The following VEPH1 variants were observed in gnomAD, a reference collection of about 807,000 sequenced individuals.
VEPH1 encodes ventricular zone expressed PH domain containing 1.
Under a neutral mutation model 85.2 loss-of-function variants are expected in VEPH1, and 80 were observed. The observed-to-expected ratio is 0.94, with a 90% CI of 0.78 to 1.13. The LOEUF (loss-of-function observed/expected upper bound fraction) is 1.13. Ranked by LOEUF, VEPH1 falls within the 50% of genes most tolerant of loss-of-function variation. VEPH1 has a pLI of 0.00. For missense variants in VEPH1, 955 were observed against 980.5 expected (o/e 0.97, Z 0.35); for synonymous variants, 297 against 348.0 (o/e 0.85, Z 1.63).
chr3:157,444,080 C>T (rs1433269568), intron 4 of VEPH1, among the ~76,000 whole-genome samples: 2 of 152,120 alleles, frequency 1.3e-5, no homozygotes, highest in East Asian at 1.9e-4. Flanking sequence ...GAGGTCAAGC[C>T]CCTTCACACT....
chr3:157,385,473 T>C, intron 6 of VEPH1, among the ~76,000 whole-genome samples: 1 of 152,160 alleles, frequency 6.6e-6, no homozygotes, highest in East Asian at 1.9e-4. Flanking sequence ...TCTATTGGTA[T>C]TGGCCATATT....
At position 157,439,774 on chromosome 3, in the gene VEPH1, G is replaced by T. The variant is rs574219816; in HGVS notation, c.530-11286C>A. The stretch of plus-strand genomic sequence containing the variant: ...ACTTTTTTGTTTTTTTCTTTGAGAC[G>T]GAATCTCGCTCTGTCGCCCAGGCTG... On this transcript the variant is annotated intron_variant, in intron 4 of 13. Transcript: ENST00000362010. Among the ~76,000 whole-genome samples, 7 of 152,148 alleles carry T rather than the reference G, an allele frequency of 4.6e-5. No homozygotes were observed. The South Asian group carries it at 1.0e-3, about 23-fold the overall frequency.
At chr3:157,488,218 CT>C (rs1289483970) in intron 2 of VEPH1, among the ~76,000 whole-genome samples, 2 of 152,112 alleles carry the variant, frequency 1.3e-5, no homozygotes. Flanking sequence ...TTTCTCTGAT[CT>C]TTATGGGAAA....
At chr3:157,467,110 AGT>A (rs1356618639) in intron 3 of VEPH1, among the ~76,000 whole-genome samples, 2 of 114,016 alleles carry the variant, frequency 1.8e-5, no homozygotes, top group East Asian at 4.7e-4. Flanking sequence ...CAAAAAGAAA[AGT>A]GTGTGTGTGT....
In VEPH1 at chr3:157,364,305, G is replaced by A; in HGVS notation, c.1335C>T (p.Asn445=). The change falls in exon 8 of 14, where the codon AAC becomes AAT. Residue 445 remains asparagine, a splice_region_variant and synonymous_variant. Transcript: ENST00000362010. ...SKEERKNIRF[N]RSKSLAFHTM... The stretch of plus-strand genomic sequence containing the variant: ...AAAACAAACCAAACGAGTTATACCT[G>A]TTAAATCTAATGTTTTTTCTTTCTT... 6.2e-7 allele frequency: 1 copy of A among 1,605,600 alleles called. No homozygotes were observed. The highest frequency in any genetic ancestry group is 8.5e-7 in the Non-Finnish European group (1 of 1,174,848).
chr3:157,370,528 C>A (rs1489203867), intron 7 of VEPH1, among the ~76,000 whole-genome samples: 2 of 152,232 alleles, frequency 1.3e-5, no homozygotes, highest in African/African-American at 4.8e-5. Flanking sequence ...AGAGAAGATC[C>A]CCCAACTTCA....
intron 12 of VEPH1, among the ~76,000 whole-genome samples, chr3:157,268,693 C>A (rs1714090251): frequency 6.6e-6 from 1 of 152,092 alleles, no homozygotes; most frequent in Non-Finnish European, 1.5e-5. Flanking sequence ...AAGCACAAGG[C>A]ACTGCTTCTC....
intron 2 of VEPH1, among the ~76,000 whole-genome samples, chr3:157,480,172 A>G (rs1437060875): frequency 1.3e-5 from 2 of 150,552 alleles, no homozygotes; most frequent in Non-Finnish European, 2.9e-5. Context: ...GTGTCTGAAT[A>G]TATTATATTC....
intron 12 of VEPH1, among the ~76,000 whole-genome samples, chr3:157,267,269 G>A (rs1713826254): frequency 1.3e-5 from 2 of 150,782 alleles, no homozygotes; most frequent in African/African-American, 2.4e-5. Flanking sequence ...CTAAATTTTT[G>A]TATTTTTAGT....
intron 11 of VEPH1, among the ~76,000 whole-genome samples, chr3:157,295,901 G>A (rs1223804363): frequency 6.6e-6 from 1 of 152,144 alleles, no homozygotes; most frequent in Non-Finnish European, 1.5e-5. Context: ...GTTGCAGTGA[G>A]CCAAGATTAG....
At chr3:157,381,503 A>C in intron 6 of VEPH1, 127 bp from the exon 7 acceptor site, 5 of 890,306 alleles carry the variant, frequency 5.6e-6, no homozygotes, top group Non-Finnish European at 8.6e-6. Context: ...CTCCTGATCG[A>C]GAACAGGAGT....
intron 4 of VEPH1, among the ~76,000 whole-genome samples, chr3:157,440,654 A>G (rs1421225975): frequency 7.9e-5 from 12 of 152,042 alleles, no homozygotes; most frequent in African/African-American, 2.9e-4. Flanking sequence ...ATCCATATGT[A>G]TATATGTGTG....
intron 7 of VEPH1, among the ~76,000 whole-genome samples, chr3:157,366,381 TA>T (rs762272221): frequency 6.3e-4 from 96 of 151,862 alleles, no homozygotes; most frequent in Non-Finnish European, 1.1e-3. Context: ...GAACCTGGCA[TA>T]ATACCTGAAT....
chr3:157,340,682 C>A lies in VEPH1; in HGVS notation c.1735+22682G>T, dbSNP rs1038028023. ...GACAGCTTTGAAGAGAGTAGTGGTTCTCCCAGCACGGAGTTTGAGATCTGA... is the reference window on the plus strand; with the variant it reads ...GACAGCTTTGAAGAGAGTAGTGGTTATCCCAGCACGGAGTTTGAGATCTGA... On this transcript the variant is annotated intron_variant, in intron 9 of 13. Coordinates refer to ENST00000362010, the MANE Select transcript of VEPH1 (RefSeq NM_001167912.2). 2.6e-5 allele frequency among the ~76,000 whole-genome samples: 4 copies of A among 152,318 alleles called. No individual in the cohort carries two copies. The East Asian group carries it at 7.7e-4, about 29-fold the overall frequency.
chr3:157,369,013 G>GGCACAGTGCTT (rs1414074173), intron 7 of VEPH1, among the ~76,000 whole-genome samples: 11 of 151,398 alleles, frequency 7.3e-5, no homozygotes, highest in African/African-American at 2.7e-4. Flanking sequence ...CATCTGGTCT[G>GGCACAGTGCTT]GCACAGTGCT....
At chr3:157,267,860 A>G (rs972548144) in intron 12 of VEPH1, among the ~76,000 whole-genome samples, 5 of 152,192 alleles carry the variant, frequency 3.3e-5, no homozygotes, top group African/African-American at 1.2e-4. Context: ...ATAGGGAGTA[A>G]GTGACTTGGG....
chr3:157,438,002 G>T lies in VEPH1; in HGVS notation c.530-9514C>A, dbSNP rs562805832. 104 of 1,453,054 alleles carry T rather than the reference G, an allele frequency of 7.2e-5. 1 individual carries two copies. In the South Asian group the frequency reaches 1.3e-3, roughly 18 times the overall value. 90.0% of individuals were successfully genotyped at this position (1,453,054 alleles called of 1,614,324 possible). A position where few individuals can be genotyped will look rare whatever the true frequency, so the allele number is the denominator to read the frequency against. On this transcript the variant is annotated intron_variant, in intron 4 of 13. Coordinates refer to ENST00000362010, the MANE Select transcript of VEPH1 (RefSeq NM_001167912.2). ...GCAAGCCAAGCCAGGCAACCTTCTA[G>T]GGGAAGCTTTCATGGGAAGCGCGCG... is the stretch of plus-strand genomic sequence containing the variant.
intron 9 of VEPH1, among the ~76,000 whole-genome samples, chr3:157,319,890 T>C (rs1463249206): frequency 2.0e-5 from 3 of 152,202 alleles, no homozygotes; most frequent in African/African-American, 7.2e-5. Context: ...TAGAAGCATA[T>C]ACACTGGCTA....
At position 157,470,496 on chromosome 3, in the gene VEPH1, C is replaced by T. The variant is rs778273317; in HGVS notation, c.172G>A (p.Val58Ile). The T allele has an allele frequency of 6.2e-7, 1 of 1,614,082 alleles. No individual in the cohort carries two copies. ...YQTNNNDQAV[V>I]EICITRITTA... ...GTGATTCTTGTGATACAGATTTCAA[C>T]TACTGCCTGGTCATTGTTATTGGTT... is the stretch of plus-strand genomic sequence containing the variant. Residue 58 changes from valine (V) to isoleucine (I), a missense_variant, in exon 3 of 14, where the codon GTT (valine) becomes ATT (isoleucine). Coordinates refer to ENST00000362010, the MANE Select transcript of VEPH1 (RefSeq NM_001167912.2).
Sources: gnomAD v4.1 joint callset for allele counts (sites outside exome capture counted in the v4.1 genomes callset) on GRCh38, gnomAD v4.1.1 for gene constraint, MANE v1.5 for transcripts, NCBI Gene and HGNC (gene_info 2026-07-23, HGNC 2026-07-21) for gene names.